Variants in TRRAP observed in about 807,000 individuals in gnomAD.
TRRAP encodes transformation/transcription domain-associated protein.
TRRAP carries 41 observed loss-of-function variants against 438.8 expected under a neutral mutation model. The ratio of observed to expected loss-of-function variants is 0.09; its 90% CI spans 0.07 to 0.12. The LOEUF is 0.12. Among genes scored for constraint, TRRAP ranks in the 10% least tolerant of loss-of-function variants. The pLI is 1.00. For synonymous variants in TRRAP, 1,994 were observed against 1,962.9 expected (o/e 1.02, Z -0.42); for missense variants, 3,122 against 5,055.1 (o/e 0.62, Z 11.60).
chr7:98,990,531 C>T lies in TRRAP; in HGVS notation c.9668C>T (p.Pro3223Leu). 1 of 1,614,162 alleles carries T rather than the reference C, an allele frequency of 6.2e-7. No homozygotes were observed. Among genetic ancestry groups the T allele is most frequent in the Non-Finnish European group, 8.5e-7 (1 of 1,180,006 alleles). The change falls in exon 64 of 73, where the codon CCA becomes CTA. Residue 3223 changes from proline (P) to leucine (L), a missense_variant. This residue lies in a region of TRRAP where 52 missense variants were observed against 88.3 expected (regional missense o/e 0.59). Transcript: ENST00000456197. ...DAVDKYCIGV[P>L]PIQWLAWIPQ... ...GTCGACAAGTACTGCATTGGTGTGC[C>T]ACCCATCCAGTGGCTGGCCTGGATC...
chr7:98,921,929 T>A lies in TRRAP; in HGVS notation c.2799T>A (p.Ala933=). 1 of 1,614,244 alleles carries A rather than the reference T, an allele frequency of 6.2e-7. No individual in the cohort carries two copies. Among genetic ancestry groups the A allele is most frequent in the East Asian group, 2.2e-5 (1 of 44,882 alleles). The change falls in exon 21 of 73, where the codon GCT becomes GCA. Residue 933 remains alanine (A), a synonymous_variant. Transcript: ENST00000456197. ...SITVEFSDCK[A]SLQLPMEKAI... ...CTGTGGAGTTTTCCGACTGCAAAGCTTCTCTCCAGCTCCCCATGGAGAAGG... is the reference window on the plus strand; with the variant it reads ...CTGTGGAGTTTTCCGACTGCAAAGCATCTCTCCAGCTCCCCATGGAGAAGG...
intron 10 of TRRAP, among the ~76,000 whole-genome samples, chr7:98,900,324 AC>A (rs1205467547): frequency 2.6e-5 from 4 of 152,196 alleles, no homozygotes; most frequent in African/African-American, 9.7e-5. Context: ...GGGGTCTTGC[AC>A]TGAGCAGATG....
chr7:98,954,900 A>G (rs1554419173), intron 40 of TRRAP, among the ~76,000 whole-genome samples, 198 bp from the exon 41 acceptor site: 2 of 152,250 alleles, frequency 1.3e-5, no homozygotes, highest in East Asian at 1.9e-4. Context: ...TAGTAGGTGC[A>G]TTATAAATAC....
At position 98,943,009 on chromosome 7, in the gene TRRAP, G is replaced by T; in HGVS notation, c.4465G>T (p.Asp1489Tyr). 1.2e-6 allele frequency: 2 copies of T among 1,614,144 alleles called. No homozygotes were observed. The highest frequency in any genetic ancestry group is 1.7e-6 in the Non-Finnish European group (2 of 1,180,036). ...CACCCACAAAGGGGGCCAGAGGAGC[G>T]ACGGAAACGTGAGTGACTTGTTTGT... is the stretch of plus-strand genomic sequence containing the variant. ...VITHKGGQRS[D>Y]GNESISECGR... The change falls in exon 31 of 73, where the codon GAC becomes TAC. Residue 1489 changes from aspartate to tyrosine, a missense_variant. Physicochemically the swap from Asp to Tyr is radical, Grantham distance 160 (BLOSUM62 -3). Coordinates refer to ENST00000456197, the MANE Select transcript of TRRAP (RefSeq NM_001375524.1).
intron 18 of TRRAP, among the ~76,000 whole-genome samples, chr7:98,912,676 T>G (rs1436786930): frequency 6.6e-6 from 1 of 152,212 alleles, no homozygotes; most frequent in Non-Finnish European, 1.5e-5. Context: ...CAGATGGTTC[T>G]ATTTTTAAAA....
intron 21 of TRRAP, among the ~76,000 whole-genome samples, chr7:98,923,993 A>G (rs1789922237): frequency 6.6e-6 from 1 of 152,238 alleles, no homozygotes; most frequent in African/African-American, 2.4e-5. Context: ...GAAAAAAATG[A>G]TGTCAACCTT....
chr7:98,893,936 T>A, intron 6 of TRRAP, 55 bp downstream of exon 6: 1 of 1,566,650 alleles, frequency 6.4e-7, no homozygotes, highest in Non-Finnish European at 8.7e-7. Flanking sequence ...ATGTTCCTTC[T>A]GTGAAATTTT....
At chr7:98,975,418 C>T (rs1257190954) in intron 53 of TRRAP, among the ~76,000 whole-genome samples, 1 of 152,212 alleles carries the variant, frequency 6.6e-6, no homozygotes, top group Non-Finnish European at 1.5e-5. Flanking sequence ...TAGGGTGTCT[C>T]CTGTGGGCTA....
At chr7:98,944,610 A>T (rs1790959057) in intron 31 of TRRAP, among the ~76,000 whole-genome samples, 1 of 152,168 alleles carries the variant, frequency 6.6e-6, no homozygotes, top group Admixed American at 6.5e-5. Flanking sequence ...GGGGGCCCAG[A>T]GACAACAGGG....
intron 21 of TRRAP, among the ~76,000 whole-genome samples, chr7:98,923,282 C>G (rs1789885047): frequency 6.6e-6 from 1 of 152,138 alleles, no homozygotes; most frequent in Admixed American, 6.6e-5. Context: ...CAGCTGAAGT[C>G]TGGAAGAAAT....
At chr7:98,923,209 G>A (rs1261183831) in intron 21 of TRRAP, among the ~76,000 whole-genome samples, 2 of 152,178 alleles carry the variant, frequency 1.3e-5, no homozygotes, top group Non-Finnish European at 2.9e-5. Context: ...ATTTGACTCT[G>A]TATAGACAAA....
In TRRAP at chr7:98,949,585, G is replaced by A. The variant is rs782402599; in HGVS notation, c.4953+4G>A. On this transcript the variant is annotated splice_donor_region_variant and intron_variant, in intron 36 of 72. Transcript: ENST00000456197. ...CCTCCAGTTCCAGGCCATCAAGGTA[G>A]CGCCCCTTCCTCCAGCCCCCAATGC... 3 of 1,584,976 alleles carry A rather than the reference G, an allele frequency of 1.9e-6. No individual in the cohort carries two copies. The highest frequency in any genetic ancestry group is 4.5e-5 in the East Asian group (2 of 44,590).
intron 3 of TRRAP, among the ~76,000 whole-genome samples, chr7:98,883,904 C>T (rs936203820): frequency 1.3e-5 from 2 of 152,162 alleles, no homozygotes; most frequent in Admixed American, 6.5e-5. Context: ...AGAATGTCGA[C>T]GTTTTGTCGT....
chr7:98,919,651 G>A (rs1169034565), intron 20 of TRRAP, among the ~76,000 whole-genome samples: 2 of 152,196 alleles, frequency 1.3e-5, no homozygotes, highest in Non-Finnish European at 2.9e-5. Flanking sequence ...CAGAGTCCCT[G>A]CTGGTCACCT....
At chr7:98,977,485 A>C (rs1370339370) in intron 56 of TRRAP, among the ~76,000 whole-genome samples, 1 of 152,190 alleles carries the variant, frequency 6.6e-6, no homozygotes, top group Non-Finnish European at 1.5e-5. Context: ...ATACGTTTTA[A>C]AGCATTTCAG....
In TRRAP at chr7:98,959,332, A is replaced by G. The variant is rs1295489619; in HGVS notation, c.6343-12A>G. On this transcript the variant is annotated splice_polypyrimidine_tract_variant and intron_variant, in intron 44 of 72. Transcript: ENST00000456197. ...CAGTGAAATGCCGGCTGTAACTCGG[A>G]TGAATTCCTAGGTTAATGACAACAC... 1.2e-6 allele frequency: 2 copies of G among 1,612,154 alleles called. No individual in the cohort carries two copies.
At chr7:98,924,183 C>T (rs1198162475) in intron 21 of TRRAP, among the ~76,000 whole-genome samples, 13 of 152,200 alleles carry the variant, frequency 8.5e-5, no homozygotes, top group Non-Finnish European at 1.5e-4. Flanking sequence ...AGAGGCTCTC[C>T]GAGCTCACTT....
rs1792784082 is a variant in TRRAP at position 98,978,871 on chromosome 7, C to T, written c.8601C>T (p.Ser2867=). ...YLVLECAWRV[S]NWTAMKEALV... The stretch of plus-strand genomic sequence containing the variant: ...TCCTGGAGTGCGCCTGGCGGGTGTC[C>T]AACTGGACTGCCATGAAGGAGGCGC... Residue 2867 remains serine, a synonymous_variant, in exon 58 of 73, where the codon TCC becomes TCT. Transcript: ENST00000456197. 1 of 1,614,156 alleles carries T rather than the reference C, an allele frequency of 6.2e-7. No homozygotes were observed. The highest frequency in any genetic ancestry group is 8.5e-7 in the Non-Finnish European group (1 of 1,180,022).
chr7:98,933,126 A>G (rs1244767273), intron 26 of TRRAP, 115 bp from the exon 27 acceptor site: 13 of 1,364,604 alleles, frequency 9.5e-6, no homozygotes, highest in African/African-American at 1.5e-5. Context: ...CCCGTTCCCT[A>G]ATGAGAAGAT....
Sources: allele counts gnomAD v4.1 joint callset (sites outside exome capture counted in the v4.1 genomes callset), GRCh38; gene constraint gnomAD v4.1.1; regional missense constraint gnomAD v4.1.1; transcripts MANE v1.5; gene names NCBI Gene and HGNC (gene_info 2026-07-23, HGNC 2026-07-21).